Variants in WWOX observed in about 807,000 individuals in gnomAD.
WWOX encodes WW domain containing oxidoreductase.
In WWOX, 69 loss-of-function variants were observed where a neutral mutation model predicts 46.2. The observed-to-expected ratio is 1.49, with a 90% CI of 1.23 to 1.82. WWOX has a LOEUF of 1.82. WWOX is among the 40% of genes most tolerant of loss of function. The pLI, the probability that WWOX is intolerant of heterozygous loss-of-function variation, is 0.00. For missense variants in WWOX, 919 were observed against 542.6 expected (o/e 1.69, Z -6.89); for synonymous variants, 359 against 202.6 (o/e 1.77, Z -6.56).
intron 8 of WWOX, among the ~76,000 whole-genome samples, chr16:78,675,461 T>A (rs961697674): frequency 6.6e-6 from 1 of 152,212 alleles, no homozygotes; most frequent in Non-Finnish European, 1.5e-5. Flanking sequence ...ACAAATACTT[T>A]TATGGGCCTT....
At chr16:78,342,927 T>C (rs2081040436) in intron 5 of WWOX, among the ~76,000 whole-genome samples, 1 of 120,684 alleles carries the variant, frequency 8.3e-6, no homozygotes, top group Non-Finnish European at 2.0e-5. Context: ...AAGCATCTTC[T>C]TGGAGATATA....
intron 8 of WWOX, among the ~76,000 whole-genome samples, chr16:78,913,550 A>G (rs1441445129): frequency 1.3e-5 from 2 of 152,026 alleles, no homozygotes; most frequent in African/African-American, 4.8e-5. Flanking sequence ...GAGCAAAGTC[A>G]CTTGTCGATC....
At chr16:78,333,117 C>G (rs2080802759) in intron 5 of WWOX, among the ~76,000 whole-genome samples, 1 of 126,530 alleles carries the variant, frequency 7.9e-6, no homozygotes, top group Non-Finnish European at 1.6e-5. Context: ...GTGGTGTGAT[C>G]TCGGCACACT....
At chr16:78,180,216 C>G (rs762320844) in intron 5 of WWOX, among the ~76,000 whole-genome samples, 1 of 152,122 alleles carries the variant, frequency 6.6e-6, no homozygotes. Context: ...CTCTAACTTG[C>G]CTGGTCATTC....
chr16:78,895,235 C>T (rs1164776903), intron 8 of WWOX: 2 of 152,160 alleles, frequency 1.3e-5, no homozygotes, highest in African/African-American at 2.4e-5. Context: ...GAAATAGAAC[C>T]TGCCTGTTTA....
intron 8 of WWOX, among the ~76,000 whole-genome samples, chr16:78,440,831 C>T (rs1304522301): frequency 6.6e-6 from 1 of 152,110 alleles, no homozygotes; most frequent in African/African-American, 2.4e-5. Flanking sequence ...GTTGGCCAGG[C>T]TGGTCTCAAA....
chr16:79,203,758 C>G (rs1007901232), intron 8 of WWOX: 2 of 152,148 alleles, frequency 1.3e-5, no homozygotes, highest in South Asian at 2.1e-4. Flanking sequence ...TGAAGATATT[C>G]TTTGCGCTGT....
intron 8 of WWOX, among the ~76,000 whole-genome samples, chr16:78,886,255 C>T (rs1259446146): frequency 1.3e-5 from 2 of 150,390 alleles, no homozygotes; most frequent in African/African-American, 2.4e-5. Context: ...TATACCCATA[C>T]CCATTGTACA....
At chr16:78,737,277 T>C (rs926336823) in intron 8 of WWOX, among the ~76,000 whole-genome samples, 2 of 151,392 alleles carry the variant, frequency 1.3e-5, no homozygotes, top group South Asian at 4.2e-4. Flanking sequence ...TTTTTGTATG[T>C]ATATGTGTAT....
chr16:78,394,908 T>C (rs1020660468), intron 6 of WWOX, among the ~76,000 whole-genome samples: 1 of 152,188 alleles, frequency 6.6e-6, no homozygotes, highest in East Asian at 1.9e-4. Flanking sequence ...TTACTGGCTG[T>C]GTGGCTTTGG....
chr16:79,010,072 G>A (rs997672811), intron 8 of WWOX, among the ~76,000 whole-genome samples: 2 of 152,116 alleles, frequency 1.3e-5, no homozygotes, highest in Admixed American at 1.3e-4. Context: ...CAAAGGCCTT[G>A]GCCAGCTGCT....
intron 5 of WWOX, among the ~76,000 whole-genome samples, chr16:78,306,614 C>A (rs2080138498): frequency 6.6e-6 from 1 of 152,110 alleles, no homozygotes; most frequent in African/African-American, 2.4e-5. Flanking sequence ...ACATTGCCTT[C>A]CCACAATTCC....
At chr16:78,367,855 CA>C (rs560223078) in intron 5 of WWOX, among the ~76,000 whole-genome samples, 94 of 152,142 alleles carry the variant, frequency 6.2e-4, no homozygotes, top group African/African-American at 2.2e-3. Flanking sequence ...CTCCCGAGTT[CA>C]AGCTATTCTT....
chr16:78,814,879 C>T (rs1045946598), intron 8 of WWOX, among the ~76,000 whole-genome samples: 3 of 152,198 alleles, frequency 2.0e-5, no homozygotes, highest in Admixed American at 1.3e-4. Context: ...GGTCTGTGCA[C>T]CAGCTACCTT....
At chr16:78,506,778 CTGTA>C (rs1309472497) in intron 8 of WWOX, among the ~76,000 whole-genome samples, 9 of 140,324 alleles carry the variant, frequency 6.4e-5, no homozygotes, top group African/African-American at 2.5e-4. Context: ...GGAACAATCT[CTGTA>C]TGCTCCCTGC....
intron 8 of WWOX, among the ~76,000 whole-genome samples, chr16:79,207,629 T>C (rs886842523): frequency 6.6e-6 from 1 of 152,220 alleles, no homozygotes; most frequent in Non-Finnish European, 1.5e-5. Flanking sequence ...ATATATCTCA[T>C]AGTTAAGTCT....
At chr16:78,848,974 A>G (rs1426893619) in intron 8 of WWOX, among the ~76,000 whole-genome samples, 2 of 152,170 alleles carry the variant, frequency 1.3e-5, no homozygotes, top group Non-Finnish European at 2.9e-5. Flanking sequence ...GCTGAAAATC[A>G]TTTGCTGCGA....
intron 8 of WWOX, among the ~76,000 whole-genome samples, chr16:78,599,462 A>G (rs574967631): frequency 6.6e-6 from 1 of 152,278 alleles, no homozygotes; most frequent in East Asian, 1.9e-4. Context: ...TGTCAGTTCA[A>G]TCAGGCAGCC....
chr16:79,039,674 C>T (rs1214023046), intron 8 of WWOX, among the ~76,000 whole-genome samples: 1 of 152,108 alleles, frequency 6.6e-6, no homozygotes, highest in African/African-American at 2.4e-5. Flanking sequence ...TTCCTTGTGC[C>T]ATCTTTCTTA....
Sources: gnomAD v4.1 joint callset for allele counts (sites outside exome capture counted in the v4.1 genomes callset) on GRCh38, gnomAD v4.1.1 for gene constraint, MANE v1.5 for transcripts, NCBI Gene and HGNC (gene_info 2026-07-23, HGNC 2026-07-21) for gene names.